The following ARAP2 variants were observed in gnomAD, a reference collection of about 807,000 sequenced individuals.
The protein encoded by ARAP2 is ArfGAP with RhoGAP domain, ankyrin repeat and PH domain 2, also known as arf-GAP with Rho-GAP domain, ANK repeat and PH domain-containing protein 2.
A neutral mutation model predicts 194.5 loss-of-function variants in ARAP2; 148 were observed. The ratio of observed to expected loss-of-function variants is 0.76; its 90% CI spans 0.67 to 0.87. The LOEUF is 0.87. ARAP2 is among the 40% of genes least tolerant of loss of function. The probability of loss-of-function intolerance (pLI) is 0.00; values close to 1 mark genes in which losing one functional copy is unlikely to be tolerated. For missense variants in ARAP2, 2,128 were observed against 1,989.7 expected (o/e 1.07, Z -1.32); for synonymous variants, 695 against 683.5 (o/e 1.02, Z -0.26).
chr4:36,158,868 G>A lies in ARAP2; in HGVS notation c.2618-4C>T. On this transcript the variant is annotated splice_polypyrimidine_tract_variant and splice_region_variant and intron_variant, in intron 14 of 32. Transcript: ENST00000303965. ...TGAATATCATGTTGAGGGAAATCTAGAAAAATTAAAGAAATAAGGCACAAG... is the reference window on the plus strand; with the variant it reads ...TGAATATCATGTTGAGGGAAATCTAAAAAAATTAAAGAAATAAGGCACAAG... 6.3e-7 allele frequency: 1 copy of A among 1,577,676 alleles called. No homozygotes were observed. The highest frequency in any genetic ancestry group is 8.6e-7 in the Non-Finnish European group (1 of 1,168,722).
chr4:36,047,758 A>G (rs563583093), intron 3 of ARAP2, among the ~76,000 whole-genome samples: 4 of 152,286 alleles, frequency 2.6e-5, no homozygotes, highest in Admixed American at 2.0e-4. Flanking sequence ...ACATACTCCA[A>G]TGCCTTTTAG....
chr4:36,193,321 T>C (rs1365762273), intron 7 of ARAP2, among the ~76,000 whole-genome samples: 47 of 152,144 alleles, frequency 3.1e-4, no homozygotes, highest in Non-Finnish European at 1.5e-5. Context: ...AATGAGAAAA[T>C]TATGTTAGAT....
chr4:36,118,926 T>C (rs762309408), intron 24 of ARAP2, among the ~76,000 whole-genome samples: 6 of 151,438 alleles, frequency 4.0e-5, no homozygotes, highest in Admixed American at 1.3e-4. Context: ...GAGAATTTAA[T>C]GTCTGACTAA....
At chr4:36,179,783 C>G (rs749821417) in intron 8 of ARAP2, among the ~76,000 whole-genome samples, 1 of 152,086 alleles carries the variant, frequency 6.6e-6, no homozygotes, top group Non-Finnish European at 1.5e-5. Flanking sequence ...AGTAAGTCTC[C>G]GTATTACACT....
chr4:36,059,771 A>C (rs1169982843), intron 1 of ARAP2, among the ~76,000 whole-genome samples: 2 of 152,194 alleles, frequency 1.3e-5, no homozygotes, highest in Non-Finnish European at 2.9e-5. Context: ...ATTATTACAC[A>C]AAGGAGGGTG....
chr4:36,197,527 C>A (rs1743384367), intron 6 of ARAP2, among the ~76,000 whole-genome samples: 1 of 152,234 alleles, frequency 6.6e-6, no homozygotes, highest in Non-Finnish European at 1.5e-5. Flanking sequence ...CCAGAAGCCT[C>A]TGTGGCTGGT....
intron 5 of ARAP2, among the ~76,000 whole-genome samples, chr4:36,019,951 GT>G (rs1313385254): frequency 1.3e-5 from 2 of 152,042 alleles, no homozygotes; most frequent in Non-Finnish European, 2.9e-5. Context: ...TATATACTAT[GT>G]TTTTTTCCCT....
At chr4:36,009,202 C>G (rs1341088075) in intron 9 of ARAP2, among the ~76,000 whole-genome samples, 2 of 152,020 alleles carry the variant, frequency 1.3e-5, no homozygotes, top group African/African-American at 4.8e-5. Context: ...TGAGTATATA[C>G]TCAAAGGAAA....
chr4:36,223,686 T>C (rs991119786), intron 2 of ARAP2, among the ~76,000 whole-genome samples: 1 of 151,702 alleles, frequency 6.6e-6, no homozygotes, highest in African/African-American at 2.4e-5. Flanking sequence ...CCAATAGAAC[T>C]GGTAGCCTTC....
At position 36,228,688 on chromosome 4, in the gene ARAP2, G is replaced by T; in HGVS notation, c.799C>A (p.Pro267Thr). ...LYVPSSPILA[P>T]VRSRSKLVSR... is the part of the protein sequence containing the mutation. ...ACCAACTTGCTACGACTTCTCACAG[G>T]TGCTAGGATTGGTGATGATGGAACA... is the stretch of plus-strand genomic sequence containing the variant. The change falls in exon 2 of 33, where the codon CCT becomes ACT. Residue 267 changes from proline to threonine, a missense_variant. Pro to Thr is a conservative substitution (Grantham distance 38). Transcript: ENST00000303965. 1 of 1,614,040 alleles carries T rather than the reference G, an allele frequency of 6.2e-7. No homozygotes were observed. Among genetic ancestry groups the T allele is most frequent in the Non-Finnish European group, 8.5e-7 (1 of 1,179,982 alleles).
chr4:36,156,148 G>C lies in ARAP2; in HGVS notation c.2752+2582C>G, dbSNP rs76617247. 2.6e-5 allele frequency among the ~76,000 whole-genome samples: 4 copies of C among 151,712 alleles called. No homozygotes were observed. The Middle Eastern group carries it at 0.01, about 387-fold the overall frequency. On this transcript the variant is annotated intron_variant, in intron 15 of 32. Coordinates refer to ENST00000303965, the MANE Select transcript of ARAP2 (RefSeq NM_015230.4). Reference sequence around the variant, plus strand: ...AATACAAAAATTAGCTGGGTGTGGTGGTGGATGCCTATAATCCCAGATATT... The same window carrying C: ...AATACAAAAATTAGCTGGGTGTGGTCGTGGATGCCTATAATCCCAGATATT...
chr4:36,114,211 T>C lies in ARAP2; in HGVS notation c.4115A>G (p.Asp1372Gly), dbSNP rs1720757994. The change falls in exon 26 of 33, where the codon GAT becomes GGT. Residue 1372 changes from aspartate to glycine, a missense_variant. By Grantham distance (94) the Asp-to-Gly change is moderately conservative (BLOSUM62 -1). Transcript: ENST00000303965. ...AIKNIIPTKG[D>G]IWATFEVIEN... ...AATGACTTCAAATGTGGCCCAAATA[T>C]CACCTTTTGTAGGAATAATATTTTT... 6.2e-7 allele frequency: 1 copy of C among 1,603,458 alleles called. No homozygotes were observed. The highest frequency in any genetic ancestry group is 2.2e-5 in the East Asian group (1 of 44,570).
At chr4:36,114,889 G>A (rs1720963701) in intron 25 of ARAP2, among the ~76,000 whole-genome samples, 2 of 151,964 alleles carry the variant, frequency 1.3e-5, no homozygotes, top group Admixed American at 1.3e-4. Flanking sequence ...CACTGTATAA[G>A]CACATCACCT....
In ARAP2 at chr4:36,121,340, G is replaced by A. The variant is rs531701127; in HGVS notation, c.3747-14C>T. 1 of 1,568,224 alleles carries A rather than the reference G, an allele frequency of 6.4e-7. No homozygotes were observed. Among genetic ancestry groups the A allele is most frequent in the Admixed American group, 1.9e-5 (1 of 53,732 alleles). ...CATTTCTGAACCCTGTCAGAGAAAA[G>A]CATAGTTTATTATGATACACTTTTA... On this transcript the variant is annotated splice_polypyrimidine_tract_variant and intron_variant, in intron 22 of 32. Coordinates refer to ENST00000303965, the MANE Select transcript of ARAP2 (RefSeq NM_015230.4).
At chr4:36,198,840 G>C (rs1020278948) in intron 6 of ARAP2, among the ~76,000 whole-genome samples, 27 of 152,202 alleles carry the variant, frequency 1.8e-4, no homozygotes, top group South Asian at 4.1e-4. Flanking sequence ...CCCTGACTTG[G>C]GCAGAGGCTG....
intron 31 of ARAP2, among the ~76,000 whole-genome samples, chr4:36,075,504 C>A (rs957315404): frequency 6.6e-6 from 1 of 152,060 alleles, no homozygotes; most frequent in Non-Finnish European, 1.5e-5. Context: ...CATTTTCTAA[C>A]CTTTGCCTAT....
At chr4:36,197,693 T>G (rs1423339217) in intron 6 of ARAP2, among the ~76,000 whole-genome samples, 1 of 152,184 alleles carries the variant, frequency 6.6e-6, no homozygotes, top group Non-Finnish European at 1.5e-5. Flanking sequence ...CAAGTGAGCA[T>G]GGGGTCCAGC....
At chr4:36,018,813 G>C (rs2109333179) in intron 6 of ARAP2, among the ~76,000 whole-genome samples, 1 of 152,230 alleles carries the variant, frequency 6.6e-6, no homozygotes, top group African/African-American at 2.4e-5. Context: ...GCAACTTTTA[G>C]CATGTACTCT....
intron 1 of ARAP2, among the ~76,000 whole-genome samples, chr4:36,237,530 G>A (rs1752674211): frequency 1.3e-5 from 2 of 152,154 alleles, no homozygotes; most frequent in Non-Finnish European, 2.9e-5. Flanking sequence ...ATGAGTTCAT[G>A]CAAGATCTGC....
Sources: allele counts gnomAD v4.1 joint callset (sites outside exome capture counted in the v4.1 genomes callset), GRCh38; gene constraint gnomAD v4.1.1; transcripts MANE v1.5; gene names NCBI Gene and HGNC (gene_info 2026-07-23, HGNC 2026-07-21).